Variants in SYNE3 observed in about 807,000 individuals in gnomAD.
The protein encoded by SYNE3 is nesprin-3.
SYNE3 carries 100 observed loss-of-function variants against 111.2 expected under a neutral mutation model. That is an observed-to-expected ratio of 0.90 (90% CI 0.77 to 1.06). The LOEUF (loss-of-function observed/expected upper bound fraction) is 1.06. Among genes scored for constraint, SYNE3 ranks in the 50% least tolerant of loss-of-function variants. The pLI is 0.00. For missense variants in SYNE3, 1,160 were observed against 1,240.3 expected (o/e 0.94, Z 0.97); for synonymous variants, 547 against 533.9 (o/e 1.02, Z -0.34).
chr14:95,470,698 G>A lies in SYNE3; in HGVS notation c.145-2731C>T, dbSNP rs1051611777. On this transcript the variant is annotated intron_variant, in intron 2 of 17. Coordinates refer to ENST00000682763, the MANE Select transcript of SYNE3 (RefSeq NM_152592.6). This position sits in a 1 kb window ranked among gnomAD's most constrained non-coding sequence, Gnocchi z 4.2. ...AAAAGAGCCGGATGTGGTGGCTCAC[G>A]CCTGTAATCCCAACACTTTGGGAGG... Among the ~76,000 whole-genome samples, 3 of 151,818 alleles carry A rather than the reference G, an allele frequency of 2.0e-5. No individual in the cohort carries two copies. The highest frequency in any genetic ancestry group is 6.6e-5 in the Admixed American group (1 of 15,220).
chr14:95,429,678 C>G (rs1185186489), intron 17 of SYNE3, among the ~76,000 whole-genome samples: 1 of 152,138 alleles, frequency 6.6e-6, no homozygotes, highest in East Asian at 1.9e-4. Flanking sequence ...TTAAACATAG[C>G]CCAAGTAAGC....
intron 1 of SYNE3, among the ~76,000 whole-genome samples, chr14:95,506,607 T>A (rs1391141853): frequency 1.3e-5 from 2 of 152,200 alleles, no homozygotes; most frequent in Non-Finnish European, 2.9e-5. Flanking sequence ...CTGAGCTCCC[T>A]TCCAAGTGAC....
chr14:95,481,429 C>A lies in SYNE3; in HGVS notation c.-14-5594G>T, dbSNP rs923024073. ...GAAGCTGCGAGGAGACAAAAGGAAGCCCAGAGATCAACCCCTACGCTAGAG... is the reference window on the plus strand; with the variant it reads ...GAAGCTGCGAGGAGACAAAAGGAAGACCAGAGATCAACCCCTACGCTAGAG... On this transcript the variant is annotated intron_variant, in intron 1 of 17. Transcript: ENST00000682763. Among the ~76,000 whole-genome samples, 7 of 152,234 alleles carry A rather than the reference C, an allele frequency of 4.6e-5. No homozygotes were observed. The East Asian group carries it at 1.2e-3, about 25-fold the overall frequency.
intron 4 of SYNE3, among the ~76,000 whole-genome samples, chr14:95,458,694 G>A (rs541233753): frequency 1.1e-4 from 17 of 152,300 alleles, no homozygotes; most frequent in African/African-American, 3.6e-4. Context: ...CACCCACTGG[G>A]GGATCCAGGA....
intron 2 of SYNE3, among the ~76,000 whole-genome samples, chr14:95,475,339 G>C (rs563357311): frequency 2.2e-4 from 33 of 152,154 alleles, no homozygotes; most frequent in South Asian, 2.1e-4. Context: ...AAGCCCCCCA[G>C]CAAGGGCTGG....
At chr14:95,507,589 G>A (rs1335318879) in intron 1 of SYNE3, among the ~76,000 whole-genome samples, 1 of 152,196 alleles carries the variant, frequency 6.6e-6, no homozygotes, top group Non-Finnish European at 1.5e-5. Context: ...CCCAGATGGA[G>A]GTGGGACAAG....
At chr14:95,452,437 T>G in intron 6 of SYNE3, 54 bp from the exon 7 acceptor site, 2 of 1,533,632 alleles carry the variant, frequency 1.3e-6, no homozygotes, top group Non-Finnish European at 1.8e-6. Context: ...ACAGGATAAG[T>G]GTGTGTGTGC....
intron 11 of SYNE3, among the ~76,000 whole-genome samples, chr14:95,440,342 C>T (rs1886348521): frequency 1.3e-5 from 2 of 152,204 alleles, no homozygotes; most frequent in Admixed American, 6.5e-5. Context: ...ATCTCCTGTC[C>T]ACCACTGATC....
chr14:95,479,348 T>C (rs905761778), intron 1 of SYNE3, among the ~76,000 whole-genome samples: 1 of 151,586 alleles, frequency 6.6e-6, no homozygotes, highest in African/African-American at 2.4e-5. Context: ...CAGAGAGAGA[T>C]TCTGTCTCTA....
At chr14:95,467,383 C>T (rs534126394) in intron 3 of SYNE3, among the ~76,000 whole-genome samples, 2 of 152,272 alleles carry the variant, frequency 1.3e-5, no homozygotes, top group East Asian at 3.9e-4. Flanking sequence ...AAGTAACCAG[C>T]AGGACAAGAG....
In SYNE3 at chr14:95,414,451, C is replaced by T. The variant is rs535275126; in HGVS notation, c.*3375G>A. On this transcript the variant is annotated 3_prime_UTR_variant, in exon 18 of 18. Transcript: ENST00000682763. Reference sequence around the variant, plus strand: ...CGGTGTTCCCTCTGTCCCGCCACCACTGGGCACCTCCCAGGGTCTCCTCGC... The same window carrying T: ...CGGTGTTCCCTCTGTCCCGCCACCATTGGGCACCTCCCAGGGTCTCCTCGC... 1 of 152,310 alleles carries T rather than the reference C, an allele frequency of 6.6e-6. No homozygotes were observed. Among genetic ancestry groups the T allele is most frequent in the African/African-American group, 2.4e-5 (1 of 41,460 alleles). 9.4% of individuals were successfully genotyped at this position (152,310 alleles called of 1,614,324 possible). A position where few individuals can be genotyped will look rare whatever the true frequency, so the allele number is the denominator to read the frequency against.
intron 1 of SYNE3, among the ~76,000 whole-genome samples, chr14:95,515,689 C>T (rs1481284941): frequency 6.6e-6 from 1 of 152,154 alleles, no homozygotes; most frequent in African/African-American, 2.4e-5. Context: ...AGCCCCCCCA[C>T]CCAGTGCAGG....
chr14:95,495,655 C>T (rs1180501118), intron 1 of SYNE3, among the ~76,000 whole-genome samples: 4 of 149,202 alleles, frequency 2.7e-5, no homozygotes, highest in Non-Finnish European at 4.4e-5. Context: ...GGCACCAAGT[C>T]AGAAGCAAGG....
At chr14:95,456,693 C>G (rs1887460625) in intron 5 of SYNE3, among the ~76,000 whole-genome samples, 1 of 152,154 alleles carries the variant, frequency 6.6e-6, no homozygotes, top group African/African-American at 2.4e-5. Context: ...TCTGAGGACC[C>G]AAGCGTTTAG....
intron 1 of SYNE3, among the ~76,000 whole-genome samples, chr14:95,504,146 C>A (rs1890439863): frequency 6.6e-6 from 1 of 152,172 alleles, no homozygotes; most frequent in Admixed American, 6.5e-5. Context: ...ATGTGAAATT[C>A]ACATTCCAGT....
chr14:95,443,342 G>A lies in SYNE3; in HGVS notation c.1777-53C>T, dbSNP rs143599780. 1.3e-4 allele frequency: 207 copies of A among 1,607,968 alleles called. No homozygotes were observed. The African/African-American group carries it at 2.5e-3, about 19-fold the overall frequency. On this transcript the variant is annotated intron_variant, in intron 10 of 17. Transcript: ENST00000682763. The stretch of plus-strand genomic sequence containing the variant: ...TAATCTTCCCACCTCTCCCTCCCTT[G>A]GGGTGGCCGATCAGGGCAGAGCCTC...
intron 1 of SYNE3, among the ~76,000 whole-genome samples, chr14:95,513,080 G>A (rs543796491): frequency 6.6e-5 from 10 of 152,052 alleles, no homozygotes; most frequent in African/African-American, 1.9e-4. Flanking sequence ...TAGAATCTAC[G>A]TATAAAGGCA....
rs903162314 is a variant in SYNE3 at position 95,418,083 on chromosome 14, AG to A, written c.2728-58del. The A allele has an allele frequency of 1.3e-5, 21 of 1,586,212 alleles. No homozygotes were observed. The African/African-American group carries it at 2.1e-4, about 16-fold the overall frequency. ...CTGGGGGGCTCTGGTGGTGGGGGGCAGGTTCAGGGGGCGAGGAGGATGCCAG... is the reference window on the plus strand; with the variant it reads ...CTGGGGGGCTCTGGTGGTGGGGGGCAGTTCAGGGGGCGAGGAGGATGCCAG... On this transcript the variant is annotated intron_variant, in intron 17 of 17. Transcript: ENST00000682763.
At chr14:95,425,469 G>C (rs1885380721) in intron 17 of SYNE3, among the ~76,000 whole-genome samples, 1 of 152,164 alleles carries the variant, frequency 6.6e-6, no homozygotes, top group African/African-American at 2.4e-5. Flanking sequence ...AGTAGGTGGA[G>C]AACGGGATTT....
Sources: gnomAD v4.1 joint callset for allele counts (sites outside exome capture counted in the v4.1 genomes callset) on GRCh38, gnomAD v4.1.1 for gene constraint, Gnocchi (gnomAD v3.1) non-coding constraint, MANE v1.5 for transcripts, NCBI Gene and HGNC (gene_info 2026-07-23, HGNC 2026-07-21) for gene names.